NDUFA10: variants seen among roughly 807,000 people sequenced by gnomAD.
NDUFA10 encodes the protein NADH:ubiquinone oxidoreductase subunit A10.
A neutral mutation model predicts 47.8 loss-of-function variants in NDUFA10; 40 were observed. The ratio of observed to expected loss-of-function variants is 0.84; its 90% CI spans 0.65 to 1.09. The LOEUF is 1.09. NDUFA10 is among the 50% of genes least tolerant of loss of function. The probability of loss-of-function intolerance (pLI) is 0.00; values close to 1 mark genes in which losing one functional copy is unlikely to be tolerated. For missense variants in NDUFA10, 413 were observed against 451.1 expected, an observed-to-expected ratio of 0.92 and a Z score of 0.76; for synonymous variants, 183 against 172.2, an observed-to-expected ratio of 1.06 and a Z score of -0.49.
Position 239,935,764 on chromosome 2 carries a change from T to A in NDUFA10, c.295-40450A>T, listed in dbSNP as rs534481632. 3.1e-3 allele frequency among the ~76,000 whole-genome samples: 470 copies of A among 152,330 alleles called. 5 individuals carry two copies. Among genetic ancestry groups the A allele is most frequent in the Non-Finnish European group, 1.4e-3 (97 of 68,028 alleles). ...TGGTTTTATAGGGGAAACTCCTTTC[T>A]CTTGGCTCCCATTCTCTTTTGCCTG... On this transcript the variant is annotated intron_variant, in intron 4 of 5. Coordinates refer to the NDUFA10 transcript ENST00000419408.
chr2:239,898,364 G>A (rs542951071), intron 4 of NDUFA10, among the ~76,000 whole-genome samples: 13 of 152,324 alleles, frequency 8.5e-5, no homozygotes, highest in Admixed American at 7.2e-4. Flanking sequence ...TGGAGGAGGC[G>A]CTGCCCCTGC....
intron 4 of NDUFA10, among the ~76,000 whole-genome samples, chr2:239,915,342 T>C (rs1693842597): frequency 8.7e-6 from 1 of 114,320 alleles, no homozygotes; most frequent in Admixed American, 8.7e-5. Context: ...AACGAAGACA[T>C]ACTCAGACAC....
In NDUFA10 at chr2:239,935,507, G is replaced by A. The variant is rs142783891; in HGVS notation, c.295-40193C>T. Among the ~76,000 whole-genome samples the A allele has an allele frequency of 7.0e-3, 1,072 of 152,186 alleles. 6 individuals carry two copies. The highest frequency in any genetic ancestry group is 0.035 in the South Asian group (167 of 4,830). ...GTCCCCATCGCTCAGCTCATGGTGCGTAATATTTTCCCACAGAGTTGAGGA... is the reference window on the plus strand; with the variant it reads ...GTCCCCATCGCTCAGCTCATGGTGCATAATATTTTCCCACAGAGTTGAGGA... On this transcript the variant is annotated intron_variant, in intron 4 of 5. Transcript: ENST00000419408.
At chr2:239,963,254 G>T (rs1399757176) in intron 9 of NDUFA10, among the ~76,000 whole-genome samples, 1 of 152,248 alleles carries the variant, frequency 6.6e-6, no homozygotes, top group Non-Finnish European at 1.5e-5. Context: ...AGCCCAGGGG[G>T]TTTGGTATTG....
At chr2:239,962,432 T>A (rs4290687) in intron 9 of NDUFA10, among the ~76,000 whole-genome samples, 23 of 152,096 alleles carry the variant, frequency 1.5e-4, no homozygotes, top group Admixed American at 1.5e-3. Context: ...GAACACACAA[T>A]GCATCCTATG....
At chr2:239,950,885 G>A (rs1410649817) in intron 4 of NDUFA10, among the ~76,000 whole-genome samples, 1 of 152,142 alleles carries the variant, frequency 6.6e-6, no homozygotes, top group Non-Finnish European at 1.5e-5. Context: ...AACAATTACG[G>A]GGCAATTGTT....
chr2:239,950,914 G>A (rs1231283724), intron 4 of NDUFA10, among the ~76,000 whole-genome samples: 1 of 152,220 alleles, frequency 6.6e-6, no homozygotes, highest in African/African-American at 2.4e-5. Flanking sequence ...TCCCATGACT[G>A]CTTCAAAGAG....
chr2:239,947,277 C>A (rs1694471325), intron 4 of NDUFA10, among the ~76,000 whole-genome samples: 3 of 152,232 alleles, frequency 2.0e-5, no homozygotes, highest in Non-Finnish European at 4.4e-5. Context: ...CCAGGACAGC[C>A]CTATACCAAT....
In NDUFA10 at chr2:239,945,921, G is replaced by A. The variant is rs897595754; in HGVS notation, c.294+44153C>T. Among the ~76,000 whole-genome samples, 2 of 152,266 alleles carry A rather than the reference G, an allele frequency of 1.3e-5. No homozygotes were observed. Among genetic ancestry groups the A allele is most frequent in the East Asian group, 1.9e-4 (1 of 5,158 alleles). The stretch of plus-strand genomic sequence containing the variant: ...GGAGCAGGAGGGTGGAAGACACTGC[G>A]CTGAGAATGGGATCCGCTTGCGGAC... On this transcript the variant is annotated intron_variant, in intron 4 of 5. Transcript: ENST00000419408. The surrounding 1 kb of genome is among the most constrained non-coding windows in gnomAD (Gnocchi z 4.6).
At position 239,900,041 on chromosome 2, in the gene NDUFA10, T is replaced by A. The variant is rs541429181; in HGVS notation, c.295-4727A>T. ...GCAGAAGAAAGTGGAATGAGCAGAC[T>A]TGCTGAGTCTTCCAGCCTTCATCTT... On this transcript the variant is annotated intron_variant, in intron 4 of 5. Transcript: ENST00000419408. 4.6e-5 allele frequency among the ~76,000 whole-genome samples: 7 copies of A among 152,126 alleles called. No individual in the cohort carries two copies. The East Asian group carries it at 1.4e-3, about 30-fold the overall frequency.
intron 4 of NDUFA10, among the ~76,000 whole-genome samples, chr2:239,915,742 C>A (rs1241162962): frequency 6.6e-6 from 1 of 151,544 alleles, no homozygotes; most frequent in Non-Finnish European, 1.5e-5. Flanking sequence ...CACAGAGATA[C>A]ACATACACAC....
intron 7 of NDUFA10, among the ~76,000 whole-genome samples, chr2:240,006,113 C>T (rs1056965645): frequency 1.3e-5 from 2 of 152,154 alleles, no homozygotes; most frequent in African/African-American, 4.8e-5. Flanking sequence ...AACTCATGAA[C>T]CCTCTTTAGT....
intron 4 of NDUFA10, among the ~76,000 whole-genome samples, chr2:239,896,987 T>G (rs1693411396): frequency 6.6e-6 from 1 of 152,240 alleles, no homozygotes; most frequent in South Asian, 2.1e-4. Flanking sequence ...GTGTGTGTAC[T>G]TATTATGTAT....
At chr2:239,966,133 G>A (rs6437355) in intron 9 of NDUFA10, among the ~76,000 whole-genome samples, 1 of 152,048 alleles carries the variant, frequency 6.6e-6, no homozygotes, top group Admixed American at 6.5e-5. Flanking sequence ...GTGGCCCACC[G>A]GGAGTGTTCC....
intron 4 of NDUFA10, among the ~76,000 whole-genome samples, chr2:239,931,551 T>C (rs1164480975): frequency 6.6e-6 from 1 of 152,150 alleles, no homozygotes; most frequent in Admixed American, 6.6e-5. Context: ...CCACAGCGTC[T>C]TTCCCCCAAG....
chr2:239,937,258 T>C (rs1360001834), intron 4 of NDUFA10, among the ~76,000 whole-genome samples: 2 of 152,244 alleles, frequency 1.3e-5, no homozygotes, highest in Non-Finnish European at 2.9e-5. Flanking sequence ...ATTTCGAGTA[T>C]GCAACTCGAT....
intron 4 of NDUFA10, among the ~76,000 whole-genome samples, chr2:239,914,858 G>C (rs935610218): frequency 2.8e-5 from 4 of 141,812 alleles, no homozygotes; most frequent in Non-Finnish European, 4.5e-5. Flanking sequence ...GACACACACA[G>C]AGAGACATAC....
At chr2:239,915,173 TAC>T (rs1204896604) in intron 4 of NDUFA10, among the ~76,000 whole-genome samples, 3 of 96,912 alleles carry the variant, frequency 3.1e-5, no homozygotes, top group South Asian at 3.5e-4. Context: ...TACACAAACA[TAC>T]ACACACAGAA....
Position 239,963,961 on chromosome 2 carries a change from G to A in NDUFA10, c.1000-2775C>T, listed in dbSNP as rs747123815. On this transcript the variant is annotated intron_variant, in intron 9 of 9. Coordinates refer to ENST00000252711, the MANE Select transcript of NDUFA10 (RefSeq NM_004544.4). Reference sequence around the variant, plus strand: ...AGCTCTGCACGAAGACAGGAGGAGCGGGGTGGGAAAAGACCACACTAGCGG... The same window carrying A: ...AGCTCTGCACGAAGACAGGAGGAGCAGGGTGGGAAAAGACCACACTAGCGG... 5.3e-5 allele frequency among the ~76,000 whole-genome samples: 8 copies of A among 152,198 alleles called. No individual in the cohort carries two copies. In the East Asian group the frequency reaches 7.7e-4, roughly 15 times the overall value.
Sources: gnomAD v4.1 joint callset for allele counts (sites outside exome capture counted in the v4.1 genomes callset) on GRCh38, gnomAD v4.1.1 for gene constraint, Gnocchi (gnomAD v3.1) non-coding constraint, MANE v1.5 for transcripts, NCBI Gene and HGNC (gene_info 2026-07-23, HGNC 2026-07-21) for gene names.